The following BBOX1 variants were observed in gnomAD, a reference collection of about 807,000 sequenced individuals.
BBOX1 encodes gamma-butyrobetaine hydroxylase 1.
BBOX1 carries 35 observed loss-of-function variants against 41.6 expected under a neutral mutation model. The observed-to-expected ratio is 0.84, with a 90% confidence interval of 0.64 to 1.11. The LOEUF (loss-of-function observed/expected upper bound fraction) is 1.11, where lower values mean the gene tolerates loss of function less well. Among genes scored for constraint, BBOX1 ranks in the 50% most tolerant of loss-of-function variants. The pLI, the probability that BBOX1 is intolerant of heterozygous loss-of-function variation, is 0.00. For synonymous variants in BBOX1, 163 were observed against 154.7 expected, an observed-to-expected ratio of 1.05 and a Z score of -0.40; for missense variants, 458 against 460.6, an observed-to-expected ratio of 0.99 and a Z score of 0.05.
chr11:27,048,844 C>A (rs941830232), intron 2 of BBOX1, among the ~76,000 whole-genome samples: 1 of 149,296 alleles, frequency 6.7e-6, no homozygotes, highest in African/African-American at 2.5e-5. Context: ...TGCGCTGCAC[C>A]CACTAACTCG....
At chr11:27,088,711 T>C (rs1245000850) in intron 4 of BBOX1, among the ~76,000 whole-genome samples, 2 of 152,062 alleles carry the variant, frequency 1.3e-5, no homozygotes, top group Non-Finnish European at 2.9e-5. Context: ...GTTTATTTTA[T>C]ATGCAGTTGT....
At chr11:27,077,282 C>G (rs1469027010) in intron 4 of BBOX1, among the ~76,000 whole-genome samples, 1 of 152,128 alleles carries the variant, frequency 6.6e-6, no homozygotes, top group Non-Finnish European at 1.5e-5. Context: ...GCTGCTCCTA[C>G]TTTTATATTC....
chr11:27,051,404 TTG>T (rs948143530), intron 2 of BBOX1, among the ~76,000 whole-genome samples: 1 of 152,048 alleles, frequency 6.6e-6, no homozygotes, highest in Admixed American at 6.6e-5. Context: ...TGAGTAGAAT[TTG>T]TGTTAATTCT....
chr11:27,089,483 G>A (rs1248492911), intron 4 of BBOX1, among the ~76,000 whole-genome samples: 1 of 152,008 alleles, frequency 6.6e-6, no homozygotes, highest in African/African-American at 2.4e-5. Flanking sequence ...AGATAATCAT[G>A]TAGACAATAC....
intron 2 of BBOX1, chr11:27,047,314 T>A (rs1478419551): frequency 6.6e-6 from 1 of 152,040 alleles, no homozygotes; most frequent in Non-Finnish European, 1.5e-5. Flanking sequence ...CATTCAAACC[T>A]AGGTAGAAGA....
At chr11:27,072,077 C>T (rs918024292) in intron 4 of BBOX1, among the ~76,000 whole-genome samples, 9 of 152,034 alleles carry the variant, frequency 5.9e-5, no homozygotes, top group East Asian at 1.9e-4. Context: ...GCCAGGGCAT[C>T]GGTCAAGAGA....
At chr11:27,075,022 T>A (rs1378755821) in intron 4 of BBOX1, among the ~76,000 whole-genome samples, 1 of 152,252 alleles carries the variant, frequency 6.6e-6, no homozygotes, top group Non-Finnish European at 1.5e-5. Flanking sequence ...TGTGGTACCT[T>A]GGGGATGTTA....
intron 7 of BBOX1, among the ~76,000 whole-genome samples, chr11:27,120,266 GA>G (rs1359625222): frequency 6.6e-6 from 1 of 152,086 alleles, no homozygotes; most frequent in Non-Finnish European, 1.5e-5. Flanking sequence ...ATTTTTCAAA[GA>G]TGATCAGCAG....
chr11:27,048,678 T>C (rs1851568516), intron 2 of BBOX1, among the ~76,000 whole-genome samples: 1 of 151,940 alleles, frequency 6.6e-6, no homozygotes, highest in Admixed American at 6.6e-5. Flanking sequence ...AGAATGCAAA[T>C]ATCTCATTGA....
chr11:27,109,796 T>C (rs1159980785), intron 5 of BBOX1, among the ~76,000 whole-genome samples: 1 of 151,940 alleles, frequency 6.6e-6, no homozygotes, highest in Non-Finnish European at 1.5e-5. Context: ...CTGGTTGTAG[T>C]ACATAGTGTA....
At chr11:27,122,894 C>T (rs1030448157) in intron 7 of BBOX1, among the ~76,000 whole-genome samples, 6 of 152,006 alleles carry the variant, frequency 3.9e-5, no homozygotes, top group Non-Finnish European at 8.8e-5. Context: ...TTATGTATAG[C>T]GAATGTATAG....
chr11:27,085,365 C>T (rs1857994207), intron 4 of BBOX1, among the ~76,000 whole-genome samples: 1 of 152,166 alleles, frequency 6.6e-6, no homozygotes, highest in African/African-American at 2.4e-5. Flanking sequence ...CTCTGTGTCA[C>T]ATTTTGGCAA....
chr11:27,096,601 AG>A (rs1025826432), intron 5 of BBOX1, among the ~76,000 whole-genome samples: 2 of 151,942 alleles, frequency 1.3e-5, no homozygotes, highest in Non-Finnish European at 2.9e-5. Flanking sequence ...CCATTCAAGT[AG>A]GGTTATTAGT....
chr11:27,080,969 C>T (rs772583620), intron 4 of BBOX1, among the ~76,000 whole-genome samples: 7 of 152,000 alleles, frequency 4.6e-5, no homozygotes, highest in East Asian at 1.9e-4. Flanking sequence ...TTTACAGCTC[C>T]GTAGGTTGTT....
chr11:27,116,629 T>C (rs533071502), intron 6 of BBOX1, among the ~76,000 whole-genome samples: 2 of 152,042 alleles, frequency 1.3e-5, no homozygotes, highest in East Asian at 3.9e-4. Context: ...TTGGGACAGA[T>C]TGACTTTCAC....
intron 4 of BBOX1, among the ~76,000 whole-genome samples, chr11:27,074,562 A>G (rs550536579): frequency 1.3e-5 from 2 of 152,280 alleles, no homozygotes; most frequent in South Asian, 2.1e-4. Flanking sequence ...GCAAGAAGAA[A>G]GGCAGCATTT....
intron 4 of BBOX1, among the ~76,000 whole-genome samples, chr11:27,088,360 C>T (rs1858119518): frequency 6.6e-6 from 1 of 152,068 alleles, no homozygotes; most frequent in South Asian, 2.1e-4. Context: ...GCATGGATCA[C>T]TGAAATATAG....
At chr11:27,127,218 T>C in intron 8 of BBOX1, 75 bp from the exon 9 acceptor site, 1 of 1,463,852 alleles carries the variant, frequency 6.8e-7, no homozygotes. Context: ...AGCTGTGTTT[T>C]GCATGTTACA....
intron 2 of BBOX1, among the ~76,000 whole-genome samples, chr11:27,052,047 T>C (rs2133953757): frequency 6.6e-6 from 1 of 152,174 alleles, no homozygotes; most frequent in Middle Eastern, 3.4e-3. Flanking sequence ...CTTGACCCAT[T>C]AGTTGTTCAG....
Sources: gnomAD v4.1 joint callset for allele counts (sites outside exome capture counted in the v4.1 genomes callset) on GRCh38, gnomAD v4.1.1 for gene constraint, MANE v1.5 for transcripts, NCBI Gene and HGNC (gene_info 2026-07-23, HGNC 2026-07-21) for gene names.